The following CAST variants were observed in gnomAD, a reference collection of about 807,000 sequenced individuals.
The protein encoded by CAST is MIR583 host.
Under a neutral mutation model 119.6 loss-of-function variants are expected in CAST, and 76 were observed. The observed-to-expected ratio is 0.64, with a 90% CI of 0.53 to 0.77. The LOEUF (loss-of-function observed/expected upper bound fraction) is 0.77, where lower values mean the gene tolerates loss of function less well. Among genes scored for constraint, CAST ranks in the 30% least tolerant of loss-of-function variants. CAST has a pLI of 0.00. For missense variants in CAST, 953 were observed against 946.5 expected (o/e 1.01, Z -0.09); for synonymous variants, 319 against 331.6 (o/e 0.96, Z 0.41).
chr5:95,989,440 T>C, the CAST span, among the ~76,000 whole-genome samples: 1 of 152,162 alleles, frequency 6.6e-6, no homozygotes, highest in East Asian at 1.9e-4. Context: ...CATTTATTTT[T>C]AGAAAGGAAG....
the CAST span, among the ~76,000 whole-genome samples, chr5:96,174,496 C>G: frequency 6.6e-6 from 1 of 152,212 alleles, no homozygotes; most frequent in Non-Finnish European, 1.5e-5. Context: ...CAGTCAGAAT[C>G]CTCTGTATGA....
intron 1 of CAST, among the ~76,000 whole-genome samples, chr5:96,631,405 CAA>C (rs1176785998): frequency 7.1e-6 from 1 of 140,480 alleles, no homozygotes; most frequent in Non-Finnish European, 1.6e-5. Flanking sequence ...GTAATATTTT[CAA>C]GTTTTATTCA....
chr5:96,023,687 G>A, the CAST span, among the ~76,000 whole-genome samples: 11 of 152,118 alleles, frequency 7.2e-5, no homozygotes, highest in South Asian at 1.9e-3. Context: ...AGCATTGAAG[G>A]GATAATCCAG....
At chr5:96,166,885 T>C in the CAST span, among the ~76,000 whole-genome samples, 1 of 152,062 alleles carries the variant, frequency 6.6e-6, no homozygotes, top group Non-Finnish European at 1.5e-5. Flanking sequence ...GTTGGGGTGG[T>C]GAAAATGTTT....
At chr5:96,144,280 C>T in the CAST span, among the ~76,000 whole-genome samples, 1 of 152,092 alleles carries the variant, frequency 6.6e-6, no homozygotes, top group Non-Finnish European at 1.5e-5. Context: ...TTGTTAATAC[C>T]AGATGACCCA....
chr5:96,038,329 A>C, the CAST span, among the ~76,000 whole-genome samples: 1 of 152,096 alleles, frequency 6.6e-6, no homozygotes, highest in Admixed American at 6.6e-5. Context: ...TTTTATGTAG[A>C]TATTGCATCC....
At chr5:96,093,743 A>G in the CAST span, among the ~76,000 whole-genome samples, 1 of 152,352 alleles carries the variant, frequency 6.6e-6, no homozygotes, top group Non-Finnish European at 1.5e-5. Flanking sequence ...AGATGGTAAA[A>G]TGAGAGAGAT....
intron 3 of CAST, among the ~76,000 whole-genome samples, chr5:96,698,133 A>C (rs1282889370): frequency 6.6e-6 from 1 of 152,236 alleles, no homozygotes; most frequent in Non-Finnish European, 1.5e-5. Context: ...GGTTTAGTAC[A>C]TTGTGGAAAA....
the CAST span, among the ~76,000 whole-genome samples, chr5:96,485,141 G>C: frequency 6.6e-6 from 1 of 152,118 alleles, no homozygotes; most frequent in African/African-American, 2.4e-5. Flanking sequence ...TGAGAGAAAT[G>C]GTCAAAATGT....
chr5:96,007,232 C>T, the CAST span, among the ~76,000 whole-genome samples: 1 of 152,108 alleles, frequency 6.6e-6, no homozygotes, highest in Non-Finnish European at 1.5e-5. Flanking sequence ...ACTAGTAGTT[C>T]CTGCTCAAAG....
chr5:96,194,205 A>G, the CAST span, among the ~76,000 whole-genome samples: 1 of 152,206 alleles, frequency 6.6e-6, no homozygotes, highest in Admixed American at 6.5e-5. Flanking sequence ...TTATACATAC[A>G]TAGAAGAGAC....
chr5:96,429,339 A>G, the CAST span: 1 of 1,295,232 alleles, frequency 7.7e-7, no homozygotes. Context: ...AAGAAATAAA[A>G]TAAATATCCA....
the CAST span, among the ~76,000 whole-genome samples, chr5:96,116,601 C>T: frequency 6.6e-6 from 1 of 152,142 alleles, no homozygotes; most frequent in Non-Finnish European, 1.5e-5. Flanking sequence ...TTAACTTTAG[C>T]TATTCTAGTA....
chr5:96,200,078 A>G, the CAST span, among the ~76,000 whole-genome samples: 1 of 152,154 alleles, frequency 6.6e-6, no homozygotes, highest in African/African-American at 2.4e-5. Flanking sequence ...GTCTGGGGGC[A>G]TCGGCGCTGA....
the CAST span, among the ~76,000 whole-genome samples, chr5:96,143,126 A>G: frequency 0.039 from 5,970 of 152,340 alleles, 286 homozygotes; most frequent in African/African-American, 0.11. Context: ...AATTGCTGTA[A>G]AAGACAATTC....
chr5:96,618,543 A>C (rs528678276), intron 1 of CAST, among the ~76,000 whole-genome samples: 6 of 152,350 alleles, frequency 3.9e-5, no homozygotes, highest in African/African-American at 1.4e-4. Flanking sequence ...GGGGCTGCGC[A>C]TGGCGCTCGC....
chr5:96,697,185 G>A (rs113812196), intron 3 of CAST, among the ~76,000 whole-genome samples: 2,369 of 152,076 alleles, frequency 0.016, 41 homozygotes, highest in South Asian at 0.039. Flanking sequence ...GAAAAAAAAA[G>A]TTGTTACATT....
chr5:96,211,006 A>G, the CAST span, among the ~76,000 whole-genome samples: 1 of 151,834 alleles, frequency 6.6e-6, no homozygotes. Context: ...CCATTTTTGT[A>G]TGTTCATTTT....
the CAST span, among the ~76,000 whole-genome samples, chr5:96,395,398 C>T: frequency 6.6e-6 from 1 of 152,194 alleles, no homozygotes; most frequent in Non-Finnish European, 1.5e-5. Context: ...TATAAACAAC[C>T]TCTAGCATTA....
Sources: allele counts gnomAD v4.1 joint callset (sites outside exome capture counted in the v4.1 genomes callset), GRCh38; gene constraint gnomAD v4.1.1; transcripts MANE v1.5; gene names NCBI Gene and HGNC (gene_info 2026-07-23, HGNC 2026-07-21).